RCBTB2: variants seen among roughly 807,000 people sequenced by gnomAD.
RCBTB2 encodes the protein RCC1 and BTB domain-containing protein 2.
In RCBTB2, 55 loss-of-function variants were observed where a neutral mutation model predicts 65.4. That is an observed-to-expected ratio of 0.84 (90% CI 0.68 to 1.05). The LOEUF (loss-of-function observed/expected upper bound fraction) is 1.05. RCBTB2 is among the 50% of genes least tolerant of loss of function. The pLI is 0.00. For missense variants in RCBTB2, 599 were observed against 680.1 expected, an observed-to-expected ratio of 0.88 and a Z score of 1.33; for synonymous variants, 220 against 255.2, an observed-to-expected ratio of 0.86 and a Z score of 1.31.
chr13:48,529,496 T>C (rs1002121570), intron 1 of RCBTB2, among the ~76,000 whole-genome samples: 2 of 152,228 alleles, frequency 1.3e-5, no homozygotes, highest in Non-Finnish European at 2.9e-5. Flanking sequence ...GCTCAAAACA[T>C]CTTCCATAGG....
At chr13:48,496,796 G>T (rs1593602363) in intron 13 of RCBTB2, among the ~76,000 whole-genome samples, 1 of 125,276 alleles carries the variant, frequency 8.0e-6, no homozygotes, top group Non-Finnish European at 1.7e-5. Context: ...GAGAAGAGGG[G>T]AGGGGAGAGG....
chr13:48,501,790 A>G lies in RCBTB2; in HGVS notation c.1196T>C (p.Leu399Pro). The change falls in exon 12 of 15, where the codon CTA becomes CCA. Residue 399 changes from leucine to proline, a missense_variant. By Grantham distance (98) the Leu-to-Pro change is moderately conservative. Coordinates refer to ENST00000344532, the MANE Select transcript of RCBTB2 (RefSeq NM_001268.4). ...TGCATAAATGTACTTTCCATCAACT[A>G]GAAACTTCAGGTCTGCAGTGTCCGG... Reference protein sequence around the residue: ...DNPDTADLKFLVDGKYIYAHK... With the variant: ...DNPDTADLKFPVDGKYIYAHK... 1 of 1,612,912 alleles carries G rather than the reference A, an allele frequency of 6.2e-7. No individual in the cohort carries two copies. The highest frequency in any genetic ancestry group is 8.5e-7 in the Non-Finnish European group (1 of 1,178,838).
At chr13:48,515,805 G>A in intron 4 of RCBTB2, 64 bp from the exon 5 acceptor site, 1 of 1,501,566 alleles carries the variant, frequency 6.7e-7, no homozygotes, top group Non-Finnish European at 9.0e-7. Context: ...TGCCCCTTCA[G>A]TTCTGTAGAA....
At chr13:48,535,841 C>A (rs1031566924), upstream of RCBTB2, 14 of 441,736 alleles carry the variant, frequency 3.2e-5, no homozygotes, top group African/African-American at 2.8e-4. Context: ...TTGGCATACC[C>A]AGAGTTTGGT....
chr13:48,501,567 A>G (rs997985156), intron 12 of RCBTB2, among the ~76,000 whole-genome samples, 175 bp downstream of exon 12: 3 of 152,148 alleles, frequency 2.0e-5, no homozygotes, highest in Non-Finnish European at 2.9e-5. Flanking sequence ...GAACCACACA[A>G]CCTGTGTTAT....
In RCBTB2 at chr13:48,531,006, C is replaced by T. The variant is rs78008348; in HGVS notation, c.-219+2022G>A. Among the ~76,000 whole-genome samples the T allele has an allele frequency of 6.2e-3, 941 of 152,296 alleles. 11 individuals are homozygous for T. The highest frequency in any genetic ancestry group is 0.022 in the African/African-American group (898 of 41,556). On this transcript the variant is annotated intron_variant, in intron 1 of 14. Transcript: ENST00000344532. ...CCTTTGGTTTATCCTTCAGACTCAC[C>T]GTACCCATGATGTTTAAAATTGCAA...
intron 10 of RCBTB2, 131 bp from the exon 11 acceptor site, chr13:48,503,045 A>G: frequency 1.0e-6 from 1 of 964,534 alleles, no homozygotes; most frequent in Non-Finnish European, 1.5e-6. Flanking sequence ...GGAAAAAACA[A>G]AACAAAACAA....
intron 4 of RCBTB2, among the ~76,000 whole-genome samples, chr13:48,517,835 A>C (rs1951178130): frequency 6.6e-6 from 1 of 152,178 alleles, no homozygotes; most frequent in Admixed American, 6.5e-5. Context: ...GAACCTCAGA[A>C]GGTGATTTTG....
intron 6 of RCBTB2, among the ~76,000 whole-genome samples, chr13:48,513,376 C>T (rs1950912126): frequency 6.6e-6 from 1 of 152,160 alleles, no homozygotes; most frequent in Non-Finnish European, 1.5e-5. Context: ...TGTACTACTA[C>T]TTAAGTCAAG....
rs1474405104 is a variant in RCBTB2, at chr13:48,515,659, A to T, written c.125T>A (p.Leu42Gln). 1 of 1,614,052 alleles carries T rather than the reference A, an allele frequency of 6.2e-7. No individual in the cohort carries two copies. ...GACACAAGCCTGACGAATTAACTGT[A>T]GTTCTTCTTCAGAACAAAGGGAAAA... ...PIFSLCSEEELQLIRQACVFG... is the reference protein window; with the variant it reads ...PIFSLCSEEEQQLIRQACVFG... Residue 42 changes from leucine (L) to glutamine (Q), a missense_variant, in exon 5 of 15, where the codon CTA (leucine) becomes CAA (glutamine). Coordinates refer to ENST00000344532, the MANE Select transcript of RCBTB2 (RefSeq NM_001268.4).
intron 14 of RCBTB2, among the ~76,000 whole-genome samples, chr13:48,493,315 A>ACTCTCTCTCTCTCTCTCTCT (rs3085593): frequency 8.0e-5 from 6 of 75,072 alleles, no homozygotes; most frequent in South Asian, 5.8e-4. Flanking sequence ...ACACACACAC[A>ACTCTCTCTCTCTCTCTCTCT]CTCTCTCTCT....
chr13:48,506,816 C>T (rs9332024), intron 10 of RCBTB2, among the ~76,000 whole-genome samples: 1,698 of 152,280 alleles, frequency 0.011, 25 homozygotes, highest in African/African-American at 0.039. Flanking sequence ...TTTGCAGTGA[C>T]CTACTAGGCA....
At chr13:48,514,988 G>A (rs1951002827) in intron 6 of RCBTB2, among the ~76,000 whole-genome samples, 1 of 152,144 alleles carries the variant, frequency 6.6e-6, no homozygotes, top group Non-Finnish European at 1.5e-5. Context: ...TGTTTACTGG[G>A]CTTACAGCGT....
intron 14 of RCBTB2, among the ~76,000 whole-genome samples, chr13:48,493,287 CTCCACACA>C (rs1162519311): frequency 1.8e-5 from 2 of 110,568 alleles, no homozygotes; most frequent in African/African-American, 1.1e-4. Flanking sequence ...CTCTCTCTCT[CTCCACACA>C]CACACACACA....
chr13:48,512,019 C>T lies in RCBTB2; in HGVS notation c.672G>A (p.Gly224=), dbSNP rs535976074. ...AGATGTAAAATAACTTCCTTACCTC[C>T]CCCGTGTCTACTACTGCCATGCAGC... is the stretch of plus-strand genomic sequence containing the variant. ...QMCCMAVVDT[G]EVYVWGYNGN... The change falls in exon 8 of 15, where the codon GGG becomes GGA. Residue 224 remains glycine (G), a synonymous_variant. Coordinates refer to ENST00000344532, the MANE Select transcript of RCBTB2 (RefSeq NM_001268.4). 7.4e-6 allele frequency: 12 copies of T among 1,613,574 alleles called. No individual in the cohort carries two copies. In the Admixed American group the frequency reaches 1.7e-4, roughly 22 times the overall value.
intron 4 of RCBTB2, among the ~76,000 whole-genome samples, chr13:48,517,409 C>T (rs1951152916): frequency 6.6e-6 from 1 of 152,176 alleles, no homozygotes; most frequent in Non-Finnish European, 1.5e-5. Context: ...GAAAACTGGG[C>T]CCCAAATCCC....
upstream of RCBTB2, among the ~76,000 whole-genome samples, chr13:48,534,327 A>G (rs1952323398): frequency 6.7e-6 from 1 of 150,304 alleles, no homozygotes; most frequent in East Asian, 1.9e-4. Context: ...GATAGCTGGC[A>G]TTTTTTTTTT....
intron 14 of RCBTB2, among the ~76,000 whole-genome samples, chr13:48,494,502 G>A (rs1050782307): frequency 3.3e-5 from 5 of 152,274 alleles, no homozygotes; most frequent in East Asian, 1.9e-4. Context: ...GTCAGACACC[G>A]TCCTAGGCGC....
intron 6 of RCBTB2, among the ~76,000 whole-genome samples, chr13:48,514,210 C>T (rs1950959803): frequency 6.6e-6 from 1 of 152,156 alleles, no homozygotes; most frequent in Admixed American, 6.5e-5. Context: ...AACACAAGCA[C>T]TATGAAACCA....
Sources: allele counts gnomAD v4.1 joint callset (sites outside exome capture counted in the v4.1 genomes callset), GRCh38; gene constraint gnomAD v4.1.1; transcripts MANE v1.5; gene names NCBI Gene and HGNC (gene_info 2026-07-23, HGNC 2026-07-21).